The following DACH2 variants were observed in gnomAD, a reference collection of about 807,000 sequenced individuals.
The protein encoded by DACH2 is dachshund family transcription factor 2, also known as dachshund homolog 2.
Under a neutral mutation model 35.8 loss-of-function variants are expected in DACH2, and 17 were observed. That is an observed-to-expected ratio of 0.48 (90% CI 0.33 to 0.71). The LOEUF (loss-of-function observed/expected upper bound fraction) is 0.71. Ranked by LOEUF, DACH2 falls within the 30% of genes least tolerant of loss-of-function variation. The probability of loss-of-function intolerance (pLI) is 0.02; values close to 1 mark genes in which losing one functional copy is unlikely to be tolerated. For missense variants in DACH2, 469 were observed against 472.7 expected, an observed-to-expected ratio of 0.99 and a Z score of 0.07; for synonymous variants, 195 against 177.3, an observed-to-expected ratio of 1.10 and a Z score of -0.79.
chrX:86,515,848 G>A (rs886169993), intron 3 of DACH2, among the ~76,000 whole-genome samples: 1 of 112,603 alleles, frequency 8.9e-6, no homozygotes, highest in Non-Finnish European at 1.9e-5. Context: ...TAGCAATGAA[G>A]GTAATGAAAT....
chrX:86,413,352 G>A (rs1057328468), intron 2 of DACH2, among the ~76,000 whole-genome samples: 1 of 112,226 alleles, frequency 8.9e-6, no homozygotes, highest in Non-Finnish European at 1.9e-5. Context: ...CTTCTGGTGG[G>A]CCTTATGGAC....
chrX:86,663,269 G>A (rs1295829860), intron 4 of DACH2, among the ~76,000 whole-genome samples: 1 of 111,611 alleles, frequency 9.0e-6, no homozygotes, highest in Non-Finnish European at 1.9e-5. Context: ...ATTCTAAAGA[G>A]TATGTTTCCT....
At position 86,512,777 on chromosome X, in the gene DACH2, G is replaced by A. The variant is rs772061130; in HGVS notation, c.528-1502G>A. 10 of 231,333 alleles carry A rather than the reference G, an allele frequency of 4.3e-5. No individual in the cohort carries two copies. In the Admixed American group the frequency reaches 4.6e-4, roughly 11 times the overall value. 19.1% of individuals were successfully genotyped at this position (231,333 alleles called of 1,213,427 possible). A position where few individuals can be genotyped will look rare whatever the true frequency, so the allele number is the denominator to read the frequency against. On this transcript the variant is annotated intron_variant, in intron 2 of 11. Transcript: ENST00000373125. The stretch of plus-strand genomic sequence containing the variant: ...CGATGAACATTTTTCAGTGATATTG[G>A]GATCCTTTAGGACATTCGAAGTACA...
At chrX:86,710,135 T>C (rs981198418) in intron 5 of DACH2, among the ~76,000 whole-genome samples, 1 of 112,269 alleles carries the variant, frequency 8.9e-6, no homozygotes, top group African/African-American at 3.2e-5. Context: ...AATAGATGAA[T>C]GCATAAAACA....
At chrX:86,782,702 T>C (rs1315353445) in intron 7 of DACH2, among the ~76,000 whole-genome samples, 1 of 111,750 alleles carries the variant, frequency 8.9e-6, no homozygotes, top group African/African-American at 3.2e-5. Flanking sequence ...TGAATATCCA[T>C]ATGCAGAAGA....
At chrX:86,734,985 T>C (rs78958910) in intron 6 of DACH2, among the ~76,000 whole-genome samples, 36,144 of 110,434 alleles carry the variant, frequency 0.33, 4,646 homozygotes, top group Middle Eastern at 0.43. Flanking sequence ...TTAAATCCTT[T>C]AGGAACACAT....
Position 86,695,137 on chromosome X carries a change from C to T in DACH2, c.889C>T (p.Pro297Ser), listed in dbSNP as rs754076988. 8.9e-7 allele frequency: 1 copy of T among 1,123,196 alleles called. No homozygotes were observed. The highest frequency in any genetic ancestry group is 1.2e-6 in the Non-Finnish European group (1 of 850,426). 92.6% of individuals were successfully genotyped at this position (1,123,196 alleles called of 1,213,427 possible). A position where few individuals can be genotyped will look rare whatever the true frequency, so the allele number is the denominator to read the frequency against. ...LAGQPGIGGA[P>S]TLNPLQQNHL... ...TGGCCAGCCAGGCATTGGGGGTGCT[C>T]CAACCCTCAATCCACTGCAGCAGAA... Residue 297 changes from proline to serine, a missense_variant, in exon 5 of 12, where the codon CCA becomes TCA. By Grantham distance (74) the Pro-to-Ser change is moderately conservative. This residue lies in a region of DACH2 where 363 missense variants were observed against 334.4 expected (regional missense o/e 1.09). Transcript: ENST00000373125.
intron 1 of DACH2, among the ~76,000 whole-genome samples, chrX:86,281,721 G>C (rs2034033335): frequency 8.9e-6 from 1 of 112,090 alleles, no homozygotes; most frequent in Non-Finnish European, 1.9e-5. Flanking sequence ...GGCTCTGTTT[G>C]TAGATGACAT....
intron 2 of DACH2, among the ~76,000 whole-genome samples, chrX:86,397,304 G>T (rs1359115332): frequency 9.0e-6 from 1 of 111,499 alleles, no homozygotes; most frequent in Non-Finnish European, 1.9e-5. Flanking sequence ...AGACGATGGG[G>T]TTTTCTAGAT....
chrX:86,306,038 G>T (rs991224621), intron 1 of DACH2, among the ~76,000 whole-genome samples: 3 of 111,732 alleles, frequency 2.7e-5, no homozygotes, highest in African/African-American at 9.7e-5. Context: ...ATACTATGGA[G>T]GTTTCTCAAA....
intron 7 of DACH2, chrX:86,742,678 G>A: frequency 3.3e-6 from 1 of 303,120 alleles, no homozygotes; most frequent in Admixed American, 3.5e-5. Flanking sequence ...ACTTATTGTT[G>A]ATCAAGATAA....
At chrX:86,755,178 A>C (rs1056975972) in intron 7 of DACH2, among the ~76,000 whole-genome samples, 1 of 111,511 alleles carries the variant, frequency 9.0e-6, no homozygotes, top group African/African-American at 3.3e-5. Flanking sequence ...GTGATGTTGA[A>C]CATTTTTTTC....
intron 2 of DACH2, among the ~76,000 whole-genome samples, 171 bp from the exon 3 acceptor site, chrX:86,514,108 A>G (rs183648133): frequency 1.3e-3 from 144 of 112,259 alleles, no homozygotes; most frequent in African/African-American, 4.5e-3. Context: ...TGGAAAATTT[A>G]GCGGAAAGTA....
chrX:86,754,118 A>G lies in DACH2; in HGVS notation c.1240+14236A>G, dbSNP rs1288275840. On this transcript the variant is annotated intron_variant, in intron 7 of 11. Coordinates refer to ENST00000373125, the MANE Select transcript of DACH2 (RefSeq NM_053281.3). ...TAAATTAATAAGCAAGAAACTAGAG[A>G]TTACTAACATTTCCAAACAGATTTT... is the stretch of plus-strand genomic sequence containing the variant. 2.7e-5 allele frequency among the ~76,000 whole-genome samples: 3 copies of G among 111,687 alleles called. No individual in the cohort carries two copies. In the Admixed American group the frequency reaches 2.9e-4, roughly 11 times the overall value.
chrX:86,339,890 C>T, intron 1 of DACH2, among the ~76,000 whole-genome samples: 1 of 111,793 alleles, frequency 8.9e-6, no homozygotes, highest in Admixed American at 9.5e-5. Flanking sequence ...CATAAAATGG[C>T]CAGGTACCAT....
At chrX:86,223,466 C>A (rs1339333012) in intron 1 of DACH2, among the ~76,000 whole-genome samples, 1 of 111,511 alleles carries the variant, frequency 9.0e-6, no homozygotes. Flanking sequence ...TATTCCACTA[C>A]TTGAACATAG....
chrX:86,528,947 A>G (rs1214576105), intron 3 of DACH2, among the ~76,000 whole-genome samples: 1 of 112,563 alleles, frequency 8.9e-6, no homozygotes, highest in Non-Finnish European at 1.9e-5. Context: ...GGTACATTTC[A>G]GATCCTGTCT....
chrX:86,405,567 C>G (rs1485419797), intron 2 of DACH2, among the ~76,000 whole-genome samples: 8 of 111,447 alleles, frequency 7.2e-5, no homozygotes, highest in Non-Finnish European at 1.5e-4. Flanking sequence ...CCAAACTTTC[C>G]CACATCTTCC....
intron 1 of DACH2, among the ~76,000 whole-genome samples, chrX:86,190,670 C>A (rs775862908): frequency 1.8e-5 from 2 of 112,148 alleles, no homozygotes; most frequent in African/African-American, 6.5e-5. Flanking sequence ...AAAGGCCAGG[C>A]GCGGTGGCTC....
Sources: gnomAD v4.1 joint callset for allele counts (sites outside exome capture counted in the v4.1 genomes callset) on GRCh38, gnomAD v4.1.1 for gene constraint, gnomAD v4.1.1 regional missense constraint, MANE v1.5 for transcripts, NCBI Gene and HGNC (gene_info 2026-07-23, HGNC 2026-07-21) for gene names.